DENND2B: variants seen among roughly 807,000 people sequenced by gnomAD.
DENND2B encodes DENN domain-containing protein 2B.
Under a neutral mutation model 116.0 loss-of-function variants are expected in DENND2B, and 32 were observed. The ratio of observed to expected loss-of-function variants is 0.28; its 90% CI spans 0.21 to 0.37. The LOEUF (loss-of-function observed/expected upper bound fraction) is 0.37, where lower values mean the gene tolerates loss of function less well. Ranked by LOEUF, DENND2B falls within the 10% of genes least tolerant of loss-of-function variation. DENND2B has a pLI of 1.00. For missense variants in DENND2B, 1,276 were observed against 1,477.7 expected (o/e 0.86, Z 2.24); for synonymous variants, 588 against 583.9 (o/e 1.01, Z -0.10).
intron 1 of DENND2B, among the ~76,000 whole-genome samples, chr11:8,755,777 C>T (rs567343257): frequency 6.6e-6 from 1 of 152,280 alleles, no homozygotes; most frequent in East Asian, 1.9e-4. Context: ...CATGAGCCAC[C>T]ATGCTTGGCC....
intron 4 of DENND2B, among the ~76,000 whole-genome samples, chr11:8,817,908 A>G (rs1296208457): frequency 3.3e-5 from 5 of 151,966 alleles, no homozygotes; most frequent in African/African-American, 1.2e-4. Context: ...CAGCCAGGAA[A>G]GACTGGATCA....
chr11:8,770,388 A>G lies in DENND2B; in HGVS notation c.-25-19663T>C, dbSNP rs189452184. Among the ~76,000 whole-genome samples the G allele has an allele frequency of 6.3e-4, 96 of 152,342 alleles. 1 individual carries two copies. The highest frequency in any genetic ancestry group is 2.2e-3 in the African/African-American group (92 of 41,580). On this transcript the variant is annotated intron_variant, in intron 1 of 19. Coordinates refer to ENST00000313726, the MANE Select transcript of DENND2B (RefSeq NM_213618.2). ...GAACCAAGTCCAGAATTGCTCTGCAATCTTCATAAATCAACAATTAGTAGT... is the reference window on the plus strand; with the variant it reads ...GAACCAAGTCCAGAATTGCTCTGCAGTCTTCATAAATCAACAATTAGTAGT...
At chr11:8,764,413 T>C (rs2055244109) in intron 1 of DENND2B, among the ~76,000 whole-genome samples, 1 of 152,204 alleles carries the variant, frequency 6.6e-6, no homozygotes, top group Non-Finnish European at 1.5e-5. Context: ...TGTATTTATA[T>C]TTAGCTTGTG....
intron 1 of DENND2B, chr11:8,776,740 C>A (rs1021930267): frequency 1.9e-5 from 3 of 159,936 alleles, no homozygotes; most frequent in Middle Eastern, 3.3e-3. Context: ...CCCCATCTTG[C>A]TTTAGAATTT....
intron 4 of DENND2B, among the ~76,000 whole-genome samples, chr11:8,839,074 G>C (rs192844409): frequency 1.3e-5 from 2 of 152,340 alleles, no homozygotes; most frequent in East Asian, 1.9e-4. Flanking sequence ...AGGAGGAAGA[G>C]AGAAAGAGAA....
chr11:8,786,009 G>C (rs767818803), intron 1 of DENND2B, among the ~76,000 whole-genome samples: 1 of 152,160 alleles, frequency 6.6e-6, no homozygotes, highest in African/African-American at 2.4e-5. Flanking sequence ...TACAGAACTC[G>C]GGGTCTTGAA....
chr11:8,830,434 T>C (rs1344892573), intron 4 of DENND2B, among the ~76,000 whole-genome samples: 1 of 152,242 alleles, frequency 6.6e-6, no homozygotes, highest in Non-Finnish European at 1.5e-5. Context: ...TTGGATATTC[T>C]CTACTTGTTT....
chr11:8,742,996 G>A (rs1049781288), intron 2 of DENND2B, among the ~76,000 whole-genome samples: 8 of 151,512 alleles, frequency 5.3e-5, no homozygotes, highest in African/African-American at 7.3e-5. Context: ...CCCGGGAGGC[G>A]GAGGTTGCAG....
chr11:8,776,319 A>G (rs1018542985), intron 1 of DENND2B: 3 of 442,326 alleles, frequency 6.8e-6, no homozygotes, highest in Non-Finnish European at 9.1e-6. Flanking sequence ...TCCAACTCCT[A>G]GTATGCTCCA....
In DENND2B at chr11:8,713,387, A is replaced by G. The variant is rs182024873; in HGVS notation, c.1987+611T>C. Among the ~76,000 whole-genome samples the G allele has an allele frequency of 6.5e-3, 974 of 148,930 alleles. 20 individuals carry two copies. Among genetic ancestry groups the G allele is most frequent in the Admixed American group, 0.039 (580 of 14,956 alleles). ...CCCTCTCTGACCCTCCAGATCTACA[A>G]TTTTTTTTTTGAGACAGAGTCTTGC... On this transcript the variant is annotated intron_variant, in intron 8 of 19. Coordinates refer to ENST00000313726, the MANE Select transcript of DENND2B (RefSeq NM_213618.2).
chr11:8,756,759 C>A (rs1157051146), intron 1 of DENND2B, among the ~76,000 whole-genome samples: 2 of 152,150 alleles, frequency 1.3e-5, no homozygotes, highest in African/African-American at 4.8e-5. Flanking sequence ...CTCATCTATG[C>A]TTTTAGCCTG....
chr11:8,803,378 C>T (rs1283302108), intron 1 of DENND2B, among the ~76,000 whole-genome samples: 1 of 152,090 alleles, frequency 6.6e-6, no homozygotes, highest in African/African-American at 2.4e-5. Flanking sequence ...GAGCGAGACT[C>T]TGTCTCAAAA....
intron 1 of DENND2B, chr11:8,757,047 T>G: frequency 2.2e-6 from 1 of 456,244 alleles, no homozygotes; most frequent in Non-Finnish European, 4.4e-6. Flanking sequence ...ATAAGGTACC[T>G]CTGGAACTTT....
chr11:8,858,388 A>C (rs1439100419), intron 2 of DENND2B, among the ~76,000 whole-genome samples: 36 of 152,148 alleles, frequency 2.4e-4, no homozygotes, highest in Admixed American at 2.4e-3. Context: ...GGAGGGGATT[A>C]AAGAGTGACT....
intron 1 of DENND2B, chr11:8,756,947 T>C (rs140662125): frequency 3.1e-5 from 14 of 449,372 alleles, no homozygotes; most frequent in African/African-American, 2.4e-4. Flanking sequence ...TCAATTAGCA[T>C]ATACCATCCA....
At chr11:8,720,291 T>C (rs990717902) in intron 4 of DENND2B, among the ~76,000 whole-genome samples, 5 of 152,106 alleles carry the variant, frequency 3.3e-5, no homozygotes, top group African/African-American at 1.2e-4. Context: ...CTTCCTTCCT[T>C]CTTTTCCCTA....
intron 1 of DENND2B, among the ~76,000 whole-genome samples, chr11:8,892,703 G>T (rs533883738): frequency 6.6e-6 from 1 of 152,312 alleles, no homozygotes; most frequent in East Asian, 1.9e-4. Flanking sequence ...CTAGGAAGAA[G>T]TTGAATCCCT....
chr11:8,825,008 C>A (rs2061924167), intron 4 of DENND2B, among the ~76,000 whole-genome samples: 1 of 152,090 alleles, frequency 6.6e-6, no homozygotes, highest in African/African-American at 2.4e-5. Flanking sequence ...ATCTTATAAT[C>A]AAATCATTTA....
At chr11:8,798,384 G>T (rs1485292696) in intron 1 of DENND2B, among the ~76,000 whole-genome samples, 1 of 152,148 alleles carries the variant, frequency 6.6e-6, no homozygotes, top group African/African-American at 2.4e-5. Context: ...TGGAATCCCA[G>T]GGAAAGATTG....
Sources: allele counts gnomAD v4.1 joint callset (sites outside exome capture counted in the v4.1 genomes callset), GRCh38; gene constraint gnomAD v4.1.1; transcripts MANE v1.5; gene names NCBI Gene and HGNC (gene_info 2026-07-23, HGNC 2026-07-21).